The following PTK2 variants were observed in gnomAD, a reference collection of about 807,000 sequenced individuals.
PTK2 encodes protein tyrosine kinase 2.
In PTK2, 45 loss-of-function variants were observed where a neutral mutation model predicts 150.1. The observed-to-expected ratio is 0.30, with a 90% CI of 0.24 to 0.38. The LOEUF (loss-of-function observed/expected upper bound fraction) is 0.38, where lower values mean the gene tolerates loss of function less well. Among genes scored for constraint, PTK2 ranks in the 10% least tolerant of loss-of-function variants. The pLI, the probability that PTK2 is intolerant of heterozygous loss-of-function variation, is 1.00. For synonymous variants in PTK2, 432 were observed against 449.2 expected, an observed-to-expected ratio of 0.96 and a Z score of 0.48; for missense variants, 919 against 1,307.3, an observed-to-expected ratio of 0.70 and a Z score of 4.58.
chr8:140,743,317 G>T (rs1199666239), exon 20 of PTK2: 1 of 1,612,418 alleles, frequency 6.2e-7, no homozygotes, highest in Admixed American at 1.7e-5. Context: ...AGAACATTCC[G>T]AGCAGCAATG....
intron 16 of PTK2, among the ~76,000 whole-genome samples, chr8:140,753,927 TTAA>T (rs1383701199): frequency 1.3e-5 from 2 of 152,242 alleles, no homozygotes; most frequent in African/African-American, 2.4e-5. Context: ...AAGATGTTCA[TTAA>T]TAAGTTAGAT....
At chr8:140,982,598 A>T (rs2100191848) in intron 1 of PTK2, among the ~76,000 whole-genome samples, 1 of 151,278 alleles carries the variant, frequency 6.6e-6, no homozygotes, top group Non-Finnish European at 1.5e-5. Flanking sequence ...CTCAATCTCC[A>T]AAAAAAAAGA....
At chr8:140,803,331 A>G (rs1333173760) in intron 11 of PTK2, among the ~76,000 whole-genome samples, 2 of 152,030 alleles carry the variant, frequency 1.3e-5, no homozygotes, top group South Asian at 2.1e-4. Flanking sequence ...TATCTTTACA[A>G]TAACGTTCTT....
chr8:140,766,905 G>A (rs1208464237), intron 14 of PTK2, among the ~76,000 whole-genome samples: 1 of 152,192 alleles, frequency 6.6e-6, no homozygotes, highest in Non-Finnish European at 1.5e-5. Flanking sequence ...GAGGATTACA[G>A]GAGACATGAC....
At chr8:140,823,686 C>T (rs569179702) in intron 8 of PTK2, among the ~76,000 whole-genome samples, 4 of 152,312 alleles carry the variant, frequency 2.6e-5, no homozygotes, top group East Asian at 1.9e-4. Context: ...CTTTGACCCC[C>T]ATAGTCTCCA....
At chr8:140,662,732 G>GTT (rs1302536723) in intron 31 of PTK2, 1 of 590,494 alleles carries the variant, frequency 1.7e-6, no homozygotes, top group South Asian at 2.0e-5. Flanking sequence ...CCTGGACATC[G>GTT]TATGTCTCTG....
At chr8:140,756,606 A>T (rs1424735207) in intron 16 of PTK2, among the ~76,000 whole-genome samples, 3 of 150,530 alleles carry the variant, frequency 2.0e-5, no homozygotes, top group African/African-American at 7.3e-5. Context: ...CTGAGGCAGG[A>T]GAATCGCTTG....
intron 2 of PTK2, among the ~76,000 whole-genome samples, chr8:140,921,471 A>T (rs560822876): frequency 6.6e-6 from 1 of 152,294 alleles, no homozygotes; most frequent in African/African-American, 2.4e-5. Context: ...TTACTAACCT[A>T]ATTCTTTATG....
chr8:140,805,544 C>G (rs2100097691), intron 10 of PTK2, among the ~76,000 whole-genome samples: 1 of 147,514 alleles, frequency 6.8e-6, no homozygotes, highest in African/African-American at 2.5e-5. Context: ...GAGCAAAACT[C>G]TGTCTCAAAA....
intron 1 of PTK2, among the ~76,000 whole-genome samples, chr8:140,996,535 CGTT>C (rs2154610387): frequency 6.6e-6 from 1 of 152,284 alleles, no homozygotes; most frequent in Non-Finnish European, 1.5e-5. Flanking sequence ...GGCTGACTCT[CGTT>C]AGGGGCTAAG....
At chr8:140,982,261 G>C (rs907372923) in intron 1 of PTK2, among the ~76,000 whole-genome samples, 7 of 152,196 alleles carry the variant, frequency 4.6e-5, no homozygotes, top group African/African-American at 1.4e-4. Flanking sequence ...GGATCATTAA[G>C]ATACACATTG....
chr8:140,680,116 T>C (rs2153548086), intron 27 of PTK2, among the ~76,000 whole-genome samples: 1 of 152,330 alleles, frequency 6.6e-6, no homozygotes, highest in Non-Finnish European at 1.5e-5. Context: ...CAGTACCTTG[T>C]AGTACTAAGC....
At chr8:140,788,888 G>A (rs922988147) in intron 14 of PTK2, among the ~76,000 whole-genome samples, 2 of 152,074 alleles carry the variant, frequency 1.3e-5, no homozygotes, top group African/African-American at 4.8e-5. Flanking sequence ...TGGGCCCACA[G>A]AAGATGCTTT....
chr8:140,879,843 A>G (rs1410948927), intron 3 of PTK2, among the ~76,000 whole-genome samples: 3 of 152,186 alleles, frequency 2.0e-5, no homozygotes, highest in African/African-American at 7.2e-5. Context: ...TTGTTTCTGA[A>G]ATAGTATTTT....
At chr8:140,944,957 C>T (rs918126756) in intron 1 of PTK2, among the ~76,000 whole-genome samples, 13 of 152,154 alleles carry the variant, frequency 8.5e-5, no homozygotes, top group Admixed American at 2.0e-4. Flanking sequence ...TATATAGCTA[C>T]GCCATATAGA....
chr8:140,768,706 T>C (rs1040166318), intron 14 of PTK2, among the ~76,000 whole-genome samples: 9 of 152,188 alleles, frequency 5.9e-5, no homozygotes, highest in South Asian at 2.1e-4. Flanking sequence ...AAGTGTCACA[T>C]GCAGAAAGCT....
chr8:140,806,135 T>C lies in PTK2; in HGVS notation c.868-2485A>G, dbSNP rs1237552277. ...TCGACGGCTTTCAAATGTCCTGGTG[T>C]GTATTTATGTCACTGAAAAATCTGA... On this transcript the variant is annotated intron_variant, in intron 10 of 31. Transcript: ENST00000522684. Among the ~76,000 whole-genome samples, 5 of 152,332 alleles carry C rather than the reference T, an allele frequency of 3.3e-5. No homozygotes were observed. The East Asian group carries it at 9.6e-4, about 29-fold the overall frequency.
chr8:140,728,600 C>A (rs1441202162), intron 22 of PTK2, among the ~76,000 whole-genome samples: 2 of 152,166 alleles, frequency 1.3e-5, no homozygotes, highest in Admixed American at 1.3e-4. Flanking sequence ...CTCACTGCAA[C>A]CTCTGCCTCC....
chr8:140,931,070 C>CAAAAAAAAAAA (rs34438579), intron 1 of PTK2, among the ~76,000 whole-genome samples: 2 of 111,722 alleles, frequency 1.8e-5, no homozygotes, highest in South Asian at 2.7e-4. Context: ...GACTCTGTCT[C>CAAAAAAAAAAA]AAAAAAAAAA....
Sources: gnomAD v4.1 joint callset for allele counts (sites outside exome capture counted in the v4.1 genomes callset) on GRCh38, gnomAD v4.1.1 for gene constraint, MANE v1.5 for transcripts, NCBI Gene and HGNC (gene_info 2026-07-23, HGNC 2026-07-21) for gene names.